Variants in CHAT observed in about 807,000 individuals in gnomAD.
CHAT encodes the protein acetyl CoA:choline O-acetyltransferase.
CHAT carries 61 observed loss-of-function variants against 76.9 expected under a neutral mutation model. The observed-to-expected ratio is 0.79, with a 90% CI of 0.65 to 0.98. The LOEUF is 0.98. Ranked by LOEUF, CHAT falls within the 50% of genes least tolerant of loss-of-function variation. The pLI is 0.00. For missense variants in CHAT, 946 were observed against 986.9 expected, an observed-to-expected ratio of 0.96 and a Z score of 0.56; for synonymous variants, 407 against 397.4, an observed-to-expected ratio of 1.02 and a Z score of -0.29.
intron 11 of CHAT, among the ~76,000 whole-genome samples, chr10:49,653,422 C>T (rs1207048457): frequency 7.7e-6 from 1 of 130,650 alleles, no homozygotes; most frequent in African/African-American, 2.5e-5. Flanking sequence ...AAGCTCTGCC[C>T]TCCAACCTGC....
Position 49,655,461 on chromosome 10 carries a change from G to A in CHAT, c.1839+13G>A, listed in dbSNP as rs778123062. 3.0e-5 allele frequency: 48 copies of A among 1,610,556 alleles called. No individual in the cohort carries two copies. The highest frequency in any genetic ancestry group is 3.3e-5 in the South Asian group (3 of 91,038). On this transcript the variant is annotated intron_variant, in intron 13 of 14. Coordinates refer to ENST00000337653, the MANE Select transcript of CHAT (RefSeq NM_020549.5). ...ATACACAGTCATGGTGAGTGACGTC[G>A]CACCACCTCACAACACTGCACTTGA...
chr10:49,641,104 C>T (rs1180447649), intron 7 of CHAT, among the ~76,000 whole-genome samples: 1 of 152,244 alleles, frequency 6.6e-6, no homozygotes, highest in Non-Finnish European at 1.5e-5. Context: ...TGTGTCCTCA[C>T]ATGGCCTTCT....
At chr10:49,632,190 C>T (rs1839147719) in intron 7 of CHAT, among the ~76,000 whole-genome samples, 1 of 152,126 alleles carries the variant, frequency 6.6e-6, no homozygotes. Flanking sequence ...CAAAGCTGGG[C>T]AGACACCTAC....
At chr10:49,610,538 A>C, upstream of CHAT, 3 of 503,792 alleles carry the variant, frequency 6.0e-6, no homozygotes, top group Non-Finnish European at 1.0e-5. Context: ...GGGATCGGCT[A>C]AGAGTAGCTG....
chr10:49,652,002 T>C lies in CHAT; in HGVS notation c.1630T>C (p.Tyr544His). ...CCAGGTGGCCCTCCAGCTGGCCTTC[T>C]ACAGGTGAGTGAAGGTGGAGTGAGT... ...FIQVALQLAF[Y>H]RLHRRLVPTY... The change falls in exon 11 of 15, where the codon TAC becomes CAC. Residue 544 changes from tyrosine (Y) to histidine (H), a missense_variant. Physicochemically the swap from Tyr to His is moderately conservative, Grantham distance 83. Coordinates refer to ENST00000337653, the MANE Select transcript of CHAT (RefSeq NM_020549.5). 6.2e-7 allele frequency: 1 copy of C among 1,614,200 alleles called. No homozygotes were observed. The highest frequency in any genetic ancestry group is 8.5e-7 in the Non-Finnish European group (1 of 1,180,030).
At chr10:49,664,079 G>A (rs1044351750) in intron 14 of CHAT, among the ~76,000 whole-genome samples, 14 of 152,188 alleles carry the variant, frequency 9.2e-5, no homozygotes, top group African/African-American at 3.1e-4. Context: ...CCAAGGACCA[G>A]CTAATAAAAT....
chr10:49,661,312 T>C (rs971219368), intron 13 of CHAT: 1 of 152,234 alleles, frequency 6.6e-6, no homozygotes, highest in Non-Finnish European at 1.5e-5. Context: ...GCTGCTTCTA[T>C]GGACCAACAC....
At chr10:49,616,270 C>T (rs1213165610) in intron 1 of CHAT, among the ~76,000 whole-genome samples, 1 of 152,160 alleles carries the variant, frequency 6.6e-6, no homozygotes, top group Non-Finnish European at 1.5e-5. Flanking sequence ...AGAGCAGACC[C>T]TCACTTTAGG....
upstream of CHAT, chr10:49,610,495 C>T: frequency 4.9e-6 from 2 of 408,614 alleles, no homozygotes; most frequent in Non-Finnish European, 4.3e-6. Flanking sequence ...CCCGACTTCC[C>T]GGCCGCCCCT....
upstream of CHAT, chr10:49,613,051 C>G (rs1420736676): frequency 2.0e-5 from 3 of 152,320 alleles, no homozygotes; most frequent in Non-Finnish European, 4.4e-5. Flanking sequence ...AGGACACGCC[C>G]CACACCAGCC....
At chr10:49,649,473 C>G in intron 9 of CHAT, 35 bp from the exon 10 acceptor site, 1 of 1,613,544 alleles carries the variant, frequency 6.2e-7, no homozygotes, top group Non-Finnish European at 8.5e-7. Context: ...GCTGTCTGGC[C>G]GCAGAGCCTC....
chr10:49,660,800 G>A (rs1840170557), intron 13 of CHAT, among the ~76,000 whole-genome samples: 1 of 152,178 alleles, frequency 6.6e-6, no homozygotes, highest in Admixed American at 6.5e-5. Context: ...GGGGAAAGGA[G>A]AGATACAAAG....
chr10:49,664,490 G>A (rs1840290430), intron 14 of CHAT, among the ~76,000 whole-genome samples: 1 of 152,160 alleles, frequency 6.6e-6, no homozygotes, highest in African/African-American at 2.4e-5. Flanking sequence ...CAGGTGAAGT[G>A]GAGACTCAGC....
In CHAT at chr10:49,628,945, C is replaced by G. The variant is rs138952185; in HGVS notation, c.1111+1160C>G. ...AACAGCCACTTGCATTTTCTGGTCT[C>G]TCTCTAGAAGGGTCTTCCCCCAGAT... On this transcript the variant is annotated intron_variant, in intron 7 of 14. Transcript: ENST00000337653. Among the ~76,000 whole-genome samples the G allele has an allele frequency of 2.9e-3, 441 of 152,388 alleles. 3 individuals are homozygous for G. Among genetic ancestry groups the G allele is most frequent in the African/African-American group, 0.01 (416 of 41,598 alleles).
intron 1 of CHAT, chr10:49,616,007 C>T: frequency 6.2e-7 from 1 of 1,611,726 alleles, no homozygotes; most frequent in South Asian, 1.1e-5. Context: ...GCATTCCTTT[C>T]CCTCCACCAA....
chr10:49,649,376 G>T, intron 9 of CHAT, 132 bp from the exon 10 acceptor site: 2 of 1,292,842 alleles, frequency 1.5e-6, no homozygotes, highest in Non-Finnish European at 2.2e-6. Context: ...GGTGGTTCAG[G>T]GGCAGCTCGT....
chr10:49,612,718 G>C (rs1294637294), upstream of CHAT: 1 of 224,380 alleles, frequency 4.5e-6, no homozygotes, highest in Non-Finnish European at 9.0e-6. Flanking sequence ...GTCTGTCCCA[G>C]GAGGCCGAGT....
chr10:49,642,309 G>C (rs1839508601), intron 7 of CHAT, among the ~76,000 whole-genome samples: 1 of 152,210 alleles, frequency 6.6e-6, no homozygotes, highest in African/African-American at 2.4e-5. Flanking sequence ...TGATAAACTT[G>C]TCAGCATTTG....
In CHAT at chr10:49,614,475, G is replaced by A. The variant is rs1476628204; in HGVS notation, c.286G>A (p.Gly96Ser). Residue 96 changes from glycine to serine, a missense_variant and splice_region_variant, in exon 1 of 15, where the codon GGT (glycine) becomes AGT (serine). By Grantham distance (56) the Gly-to-Ser change is moderately conservative. Around this residue, in one of 3 missense-constraint regions of CHAT, gnomAD observed 548 missense variants for 516.2 expected, o/e 1.06. Transcript: ENST00000337653. The stretch of plus-strand genomic sequence containing the variant: ...CGAGGCAGCAGAGCCGAGGAGAGCA[G>A]GTGAGAAGAAGGGCTGGGCTGGGCT... ...SAEAAEPRRAGPHLCIPAPGL... is the reference protein window; with the variant it reads ...SAEAAEPRRASPHLCIPAPGL... 4 of 1,545,610 alleles carry A rather than the reference G, an allele frequency of 2.6e-6. No individual in the cohort carries two copies. Among genetic ancestry groups the A allele is most frequent in the East Asian group, 2.4e-5 (1 of 41,004 alleles).
Sources: gnomAD v4.1 joint callset for allele counts (sites outside exome capture counted in the v4.1 genomes callset) on GRCh38, gnomAD v4.1.1 for gene constraint, gnomAD v4.1.1 regional missense constraint, MANE v1.5 for transcripts, NCBI Gene and HGNC (gene_info 2026-07-23, HGNC 2026-07-21) for gene names.